Variants in CECR2 observed in about 807,000 individuals in gnomAD.
The protein encoded by CECR2 is chromatin remodeling regulator CECR2.
Under a neutral mutation model 154.5 loss-of-function variants are expected in CECR2, and 30 were observed. That is an observed-to-expected ratio of 0.19 (90% CI 0.15 to 0.26). CECR2 has a LOEUF of 0.26. Among genes scored for constraint, CECR2 ranks in the 10% least tolerant of loss-of-function variants. The pLI, the probability that CECR2 is intolerant of heterozygous loss-of-function variation, is 1.00. For synonymous variants in CECR2, 725 were observed against 683.7 expected (o/e 1.06, Z -0.94); for missense variants, 1,743 against 1,829.3 (o/e 0.95, Z 0.86).
chr22:17,452,533 T>C (rs1334120413), intron 1 of CECR2, among the ~76,000 whole-genome samples: 1 of 152,148 alleles, frequency 6.6e-6, no homozygotes, highest in Non-Finnish European at 1.5e-5. Context: ...TTTGCTGGAC[T>C]GGGATATGGC....
intron 1 of CECR2, among the ~76,000 whole-genome samples, chr22:17,469,876 G>A (rs892777472): frequency 2.6e-5 from 4 of 152,118 alleles, no homozygotes; most frequent in African/African-American, 7.2e-5. Context: ...CTGCCGTGGC[G>A]TCCATCACAT....
At chr22:17,451,235 T>C (rs2054764417) in intron 1 of CECR2, among the ~76,000 whole-genome samples, 1 of 152,178 alleles carries the variant, frequency 6.6e-6, no homozygotes, top group African/African-American at 2.4e-5. Flanking sequence ...TTCACTTCAA[T>C]TGGCAGCCAT....
At chr22:17,423,013 G>A (rs749789677) in intron 1 of CECR2, among the ~76,000 whole-genome samples, 2 of 152,032 alleles carry the variant, frequency 1.3e-5, no homozygotes, top group African/African-American at 2.4e-5. Context: ...GTCTGCTTCC[G>A]ATGAGTCTGG....
chr22:17,428,176 T>G (rs2054360476), intron 1 of CECR2: 1 of 152,196 alleles, frequency 6.6e-6, no homozygotes, highest in Admixed American at 6.5e-5. Context: ...ATGGGGTTGT[T>G]TTTTTCTTGT....
chr22:17,423,101 G>A (rs2054281070), intron 1 of CECR2, among the ~76,000 whole-genome samples: 1 of 152,084 alleles, frequency 6.6e-6, no homozygotes. Flanking sequence ...AGTTGGACAG[G>A]ATATACTGGG....
At chr22:17,503,227 G>C in intron 6 of CECR2, 96 bp downstream of exon 6, 1 of 1,189,940 alleles carries the variant, frequency 8.4e-7, no homozygotes, top group South Asian at 1.4e-5. Context: ...CAAAGTAAAG[G>C]TTATTGCAAT....
intron 1 of CECR2, among the ~76,000 whole-genome samples, chr22:17,460,808 G>A (rs2054926278): frequency 1.3e-5 from 2 of 152,188 alleles, no homozygotes; most frequent in East Asian, 1.9e-4. Flanking sequence ...CTCCCACAAA[G>A]TGAAACTTCA....
chr22:17,465,232 G>A (rs180855003), intron 1 of CECR2, among the ~76,000 whole-genome samples: 18,678 of 152,024 alleles, frequency 0.12, 1,556 homozygotes, highest in African/African-American at 0.24. Context: ...TCCTGACCTC[G>A]TGATCCGCCC....
chr22:17,369,264 G>C (rs2063023969), upstream of CECR2: 1 of 151,538 alleles, frequency 6.6e-6, no homozygotes, highest in Non-Finnish European at 1.5e-5. Context: ...TCGGGGGTGC[G>C]GCCCGCGCCC....
chr22:17,431,148 G>C (rs1165252360), intron 1 of CECR2, among the ~76,000 whole-genome samples: 1 of 152,144 alleles, frequency 6.6e-6, no homozygotes, highest in Non-Finnish European at 1.5e-5. Context: ...GGGTAAAAAA[G>C]AAAACTCTGA....
At chr22:17,496,442 G>A (rs1034773653) in intron 2 of CECR2, among the ~76,000 whole-genome samples, 5 of 151,834 alleles carry the variant, frequency 3.3e-5, no homozygotes, top group African/African-American at 4.8e-5. Flanking sequence ...GGAGCTTGCA[G>A]TGAGCTGACA....
intron 7 of CECR2, among the ~76,000 whole-genome samples, chr22:17,506,292 A>G (rs1424642717): frequency 1.3e-5 from 2 of 151,762 alleles, no homozygotes; most frequent in Admixed American, 6.6e-5. Context: ...ACGCCTGGCT[A>G]ATCTTTTAAT....
At chr22:17,371,154 T>C (rs2063055923) in intron 1 of CECR2, among the ~76,000 whole-genome samples, 2 of 152,204 alleles carry the variant, frequency 1.3e-5, no homozygotes, top group Non-Finnish European at 2.9e-5. Flanking sequence ...TGCTGAAATA[T>C]CAGTTGCTTC....
At chr22:17,489,122 C>CAG (rs1312853698) in intron 2 of CECR2, among the ~76,000 whole-genome samples, 29,991 of 152,030 alleles carry the variant, frequency 0.2, 3,118 homozygotes, top group African/African-American at 0.25. Context: ...TTAGTAGAGA[C>CAG]GGGGTTTCAC....
intron 1 of CECR2, among the ~76,000 whole-genome samples, chr22:17,381,131 AT>A (rs1011286790): frequency 5.2e-4 from 79 of 152,146 alleles, no homozygotes; most frequent in African/African-American, 1.8e-3. Context: ...TAAAGAAAAA[AT>A]TTCACCTGTT....
At chr22:17,385,883 C>T (rs921661957) in intron 1 of CECR2, among the ~76,000 whole-genome samples, 3 of 152,202 alleles carry the variant, frequency 2.0e-5, no homozygotes, top group African/African-American at 7.2e-5. Flanking sequence ...CTCACTGGTG[C>T]TATTGAAGAA....
chr22:17,453,208 G>A (rs1601384160), intron 1 of CECR2, among the ~76,000 whole-genome samples: 1 of 152,148 alleles, frequency 6.6e-6, no homozygotes, highest in Middle Eastern at 3.2e-3. Flanking sequence ...TTGGGAGGCC[G>A]AGGCGGGTGG....
intron 1 of CECR2, among the ~76,000 whole-genome samples, chr22:17,435,920 T>G (rs1407680708): frequency 6.6e-6 from 1 of 152,024 alleles, no homozygotes; most frequent in Non-Finnish European, 1.5e-5. Context: ...TTTTTGAAAC[T>G]TTAGTTTCTT....
At chr22:17,457,748 C>T (rs1190151986) in intron 1 of CECR2, among the ~76,000 whole-genome samples, 2 of 152,150 alleles carry the variant, frequency 1.3e-5, no homozygotes, top group African/African-American at 4.8e-5. Context: ...GTTGCAAAAA[C>T]CCAGATGTCC....
Sources: allele counts gnomAD v4.1 joint callset (sites outside exome capture counted in the v4.1 genomes callset), GRCh38; gene constraint gnomAD v4.1.1; transcripts MANE v1.5; gene names NCBI Gene and HGNC (gene_info 2026-07-23, HGNC 2026-07-21).